Variants in ZNF461 observed in about 807,000 individuals in gnomAD.
ZNF461 encodes zinc finger protein 461, also known as gonadotropin-inducible ovarian transcription factor-1.
ZNF461 carries 16 observed loss-of-function variants against 18.3 expected under a neutral mutation model. The ratio of observed to expected loss-of-function variants is 0.88; its 90% CI spans 0.59 to 1.33. The LOEUF (loss-of-function observed/expected upper bound fraction) is 1.33. Among genes scored for constraint, ZNF461 ranks in the 40% most tolerant of loss-of-function variants. The probability of loss-of-function intolerance (pLI) is 0.00; values close to 1 mark genes in which losing one functional copy is unlikely to be tolerated. For missense variants in ZNF461, 595 were observed against 669.9 expected (o/e 0.89, Z 1.23); for synonymous variants, 179 against 216.9 (o/e 0.83, Z 1.54).
chr19:36,644,914 C>G (rs573318842), intron 4 of ZNF461, among the ~76,000 whole-genome samples: 1 of 151,848 alleles, frequency 6.6e-6, no homozygotes, highest in Non-Finnish European at 1.5e-5. Flanking sequence ...TTTTTTGAGA[C>G]TACTTTTATT....
At chr19:36,651,429 A>T (rs1200095318) in intron 4 of ZNF461, among the ~76,000 whole-genome samples, 1 of 152,024 alleles carries the variant, frequency 6.6e-6, no homozygotes, top group Non-Finnish European at 1.5e-5. Flanking sequence ...TGAAATAAAA[A>T]GAAAATTATC....
At chr19:36,658,662 A>G (rs571132781) in intron 2 of ZNF461, 14 of 373,116 alleles carry the variant, frequency 3.8e-5, no homozygotes, top group African/African-American at 2.9e-4. Context: ...ACTCCTGTTA[A>G]TCAGTCATCT....
chr19:36,655,701 T>G (rs2037703699), intron 4 of ZNF461, among the ~76,000 whole-genome samples: 1 of 152,226 alleles, frequency 6.6e-6, no homozygotes, highest in African/African-American at 2.4e-5. Context: ...GTTTTTGCTT[T>G]TGTTGCCAGT....
At position 36,648,409 on chromosome 19, in the gene ZNF461, A is replaced by G. The variant is rs1028669375; in HGVS notation, c.233-4547T>C. ...CAGTCTCAGGTATTTACAGCAATGCAAGAATGATCTAATACCTTGTACCAT... is the reference window on the plus strand; with the variant it reads ...CAGTCTCAGGTATTTACAGCAATGCGAGAATGATCTAATACCTTGTACCAT... On this transcript the variant is annotated intron_variant, in intron 4 of 5. Transcript: ENST00000588268. 4.6e-5 allele frequency among the ~76,000 whole-genome samples: 7 copies of G among 152,156 alleles called. No homozygotes were observed. The South Asian group carries it at 1.5e-3, about 32-fold the overall frequency.
intron 4 of ZNF461, among the ~76,000 whole-genome samples, chr19:36,649,592 A>C (rs548002212): frequency 3.9e-5 from 6 of 152,064 alleles, no homozygotes; most frequent in African/African-American, 1.4e-4. Context: ...CAGCCTCCCA[A>C]AGTGCTGGGA....
intron 3 of ZNF461, among the ~76,000 whole-genome samples, chr19:36,657,341 C>T (rs138170830): frequency 0.037 from 5,635 of 151,564 alleles, 143 homozygotes; most frequent in Non-Finnish European, 0.056. Context: ...ATTAGCTGGG[C>T]GTGGTGGCGG....
intron 3 of ZNF461, 31 bp from the exon 4 acceptor site, chr19:36,656,574 TG>T (rs779430120): frequency 2.1e-6 from 3 of 1,457,044 alleles, no homozygotes; most frequent in Non-Finnish European, 2.9e-6. Flanking sequence ...TGAGATGAGA[TG>T]GAAATGAATG....
At chr19:36,647,867 G>A (rs1232315366) in intron 4 of ZNF461, among the ~76,000 whole-genome samples, 1 of 151,920 alleles carries the variant, frequency 6.6e-6, no homozygotes, top group South Asian at 2.1e-4. Context: ...TGGTGAGTGA[G>A]TTCTCATGAT....
chr19:36,658,756 T>A (rs906530443), intron 2 of ZNF461, among the ~76,000 whole-genome samples: 1 of 152,196 alleles, frequency 6.6e-6, no homozygotes, highest in Non-Finnish European at 1.5e-5. Flanking sequence ...CTTATTAAAA[T>A]CTCTATCTTG....
chr19:36,660,311 G>A (rs999122532), intron 2 of ZNF461, among the ~76,000 whole-genome samples: 8 of 151,674 alleles, frequency 5.3e-5, no homozygotes, highest in African/African-American at 1.9e-4. Context: ...CACCGCACCC[G>A]GCTAGTTTTT....
In ZNF461 at chr19:36,654,456, T is replaced by A. The variant is rs1210469159; in HGVS notation, c.232+1992A>T. Among the ~76,000 whole-genome samples, 3 of 152,214 alleles carry A rather than the reference T, an allele frequency of 2.0e-5. No individual in the cohort carries two copies. In the East Asian group the frequency reaches 5.8e-4, roughly 29 times the overall value. ...ATCATGGCTCTCTGCAGCCTTGACC[T>A]CCCAGGCTCAAGCAATACTCCCAAC... On this transcript the variant is annotated intron_variant, in intron 4 of 5. Transcript: ENST00000588268.
At position 36,663,516 on chromosome 19, in the gene ZNF461, ATTTTTT is replaced by A. The variant is rs753269882; in HGVS notation, c.9+1176_9+1181del. 2.3e-5 allele frequency among the ~76,000 whole-genome samples: 3 copies of A among 129,890 alleles called. No homozygotes were observed. In the South Asian group the frequency reaches 7.4e-4, roughly 32 times the overall value. 85.2% of individuals were successfully genotyped at this position (129,890 alleles called of 152,430 possible). A position where few individuals can be genotyped will look rare whatever the true frequency, so the allele number is the denominator to read the frequency against. On this transcript the variant is annotated intron_variant, in intron 2 of 5. Coordinates refer to ENST00000588268, the MANE Select transcript of ZNF461 (RefSeq NM_153257.5). ...TCTCTGGTCTTAACTTTATTATGTA[ATTTTTT>A]TTTTTTTTTTTTTTTTAGACAGAGT...
chr19:36,662,450 A>G (rs1364539637), intron 2 of ZNF461, among the ~76,000 whole-genome samples: 1 of 149,674 alleles, frequency 6.7e-6, no homozygotes, highest in Non-Finnish European at 1.5e-5. Context: ...AGAGATGGGG[A>G]TTCACCATGT....
intron 4 of ZNF461, among the ~76,000 whole-genome samples, chr19:36,651,364 T>TAGA (rs1400358057): frequency 6.6e-6 from 1 of 151,720 alleles, no homozygotes; most frequent in African/African-American, 2.4e-5. Context: ...AACATAGTAT[T>TAGA]AGAAGTTCTT....
Position 36,637,984 on chromosome 19 carries a change from T to C in ZNF461, c.*669A>G. On this transcript the variant is annotated 3_prime_UTR_variant, in exon 6 of 6. Coordinates refer to ENST00000588268, the MANE Select transcript of ZNF461 (RefSeq NM_153257.5). The stretch of plus-strand genomic sequence containing the variant: ...AAAAAATAAATGTAATGTCAAAATA[T>C]ATACGCCAGATACTCTTTAATCCCA... 2 of 290,456 alleles carry C rather than the reference T, an allele frequency of 6.9e-6. No homozygotes were observed. The highest frequency in any genetic ancestry group is 1.4e-5 in the Non-Finnish European group (2 of 148,124). 18.0% of individuals were successfully genotyped at this position (290,456 alleles called of 1,614,324 possible). A position where few individuals can be genotyped will look rare whatever the true frequency, so the allele number is the denominator to read the frequency against.
At chr19:36,643,705 G>A in intron 5 of ZNF461, 89 bp downstream of exon 5, 1 of 1,292,490 alleles carries the variant, frequency 7.7e-7, no homozygotes. Context: ...AGAGTAGTAG[G>A]TTTGGGGAAT....
At chr19:36,652,404 G>A (rs980715818) in intron 4 of ZNF461, among the ~76,000 whole-genome samples, 5 of 151,506 alleles carry the variant, frequency 3.3e-5, no homozygotes, top group Non-Finnish European at 7.4e-5. Context: ...GCAAGGCTGA[G>A]GCAGGAGAAT....
intron 2 of ZNF461, among the ~76,000 whole-genome samples, chr19:36,664,375 G>T (rs1001373343): frequency 3.1e-4 from 47 of 152,260 alleles, no homozygotes; most frequent in African/African-American, 1.0e-3. Context: ...ATCACTTGAG[G>T]CCAGGAGTTT....
At chr19:36,642,524 A>G (rs1355879819) in intron 5 of ZNF461, among the ~76,000 whole-genome samples, 1 of 152,104 alleles carries the variant, frequency 6.6e-6, no homozygotes, top group African/African-American at 2.4e-5. Context: ...CTCCAAAAGC[A>G]TATGGGGAAG....
Sources: gnomAD v4.1 joint callset for allele counts (sites outside exome capture counted in the v4.1 genomes callset) on GRCh38, gnomAD v4.1.1 for gene constraint, MANE v1.5 for transcripts, NCBI Gene and HGNC (gene_info 2026-07-23, HGNC 2026-07-21) for gene names.